EPHB1: variants seen among roughly 807,000 people sequenced by gnomAD.
The protein encoded by EPHB1 is EPH receptor B1.
Under a neutral mutation model 94.4 loss-of-function variants are expected in EPHB1, and 30 were observed. The ratio of observed to expected loss-of-function variants is 0.32; its 90% CI spans 0.24 to 0.43. EPHB1 has a LOEUF of 0.43. EPHB1 is among the 20% of genes least tolerant of loss of function. The pLI, the probability that EPHB1 is intolerant of heterozygous loss-of-function variation, is 1.00. For missense variants in EPHB1, 1,055 were observed against 1,308.3 expected (o/e 0.81, Z 2.99); for synonymous variants, 522 against 489.1 (o/e 1.07, Z -0.89).
chr3:135,188,355 C>T (rs903596794), intron 10 of EPHB1, among the ~76,000 whole-genome samples: 6 of 140,690 alleles, frequency 4.3e-5, no homozygotes, highest in Non-Finnish European at 3.1e-5. Flanking sequence ...ATTAGCCGGG[C>T]GTTGTGGTGG....
intron 3 of EPHB1, among the ~76,000 whole-genome samples, chr3:135,030,239 C>T (rs904956990): frequency 6.6e-6 from 1 of 152,192 alleles, no homozygotes; most frequent in African/African-American, 2.4e-5. Context: ...AAGTCATTCT[C>T]CGTCCAGCTT....
chr3:135,170,670 G>A (rs1321008419), intron 9 of EPHB1, among the ~76,000 whole-genome samples: 2 of 152,174 alleles, frequency 1.3e-5, no homozygotes, highest in Non-Finnish European at 2.9e-5. Flanking sequence ...AGGTGGGCAA[G>A]TATAAGTTTG....
intron 3 of EPHB1, among the ~76,000 whole-genome samples, chr3:134,999,939 T>C (rs1380847626): frequency 6.6e-6 from 1 of 152,222 alleles, no homozygotes; most frequent in Admixed American, 6.5e-5. Flanking sequence ...TGCTCCATAC[T>C]TCTGTCTCCA....
chr3:134,830,651 C>T (rs1365823955), intron 1 of EPHB1, among the ~76,000 whole-genome samples: 1 of 151,994 alleles, frequency 6.6e-6, no homozygotes, highest in Non-Finnish European at 1.5e-5. Flanking sequence ...TATTATTTTT[C>T]CCTCTCAAAA....
chr3:135,180,044 C>A, intron 10 of EPHB1, 62 bp downstream of exon 10: 3 of 1,595,898 alleles, frequency 1.9e-6, no homozygotes, highest in Admixed American at 3.4e-5. Context: ...TTTCCACCAC[C>A]CTAGATGGTC....
chr3:134,851,148 C>T (rs1467063363), intron 1 of EPHB1, among the ~76,000 whole-genome samples: 2 of 152,240 alleles, frequency 1.3e-5, no homozygotes, highest in Non-Finnish European at 2.9e-5. Context: ...CTGGAGTTCT[C>T]AGGGCCAGCA....
intron 1 of EPHB1, among the ~76,000 whole-genome samples, chr3:134,871,046 G>A (rs1006704131): frequency 6.6e-6 from 1 of 152,146 alleles, no homozygotes; most frequent in African/African-American, 2.4e-5. Context: ...CCTTTACCAT[G>A]GGTTACTACA....
In EPHB1 at chr3:135,201,530, T is replaced by C. The variant is rs756698481; in HGVS notation, c.2187T>C (p.Ala729=). ...TTGTGGGTATGCTCAGGGGCATCGC[T>C]GCTGGCATGAAGTACCTGGCTGAGA... ...IQLVGMLRGI[A]AGMKYLAEMN... The change falls in exon 12 of 16, where the codon GCT becomes GCC. Residue 729 remains alanine, a synonymous_variant. Coordinates refer to ENST00000398015, the MANE Select transcript of EPHB1 (RefSeq NM_004441.5). The C allele has an allele frequency of 5.6e-6, 9 of 1,614,048 alleles. 1 individual carries two copies. Among genetic ancestry groups the C allele is most frequent in the Middle Eastern group, 1.6e-4 (1 of 6,062 alleles).
chr3:135,082,997 C>G (rs1376429296), intron 3 of EPHB1, among the ~76,000 whole-genome samples: 3 of 152,154 alleles, frequency 2.0e-5, no homozygotes, highest in African/African-American at 7.2e-5. Context: ...GGGGCCTGAG[C>G]AATTCTGCAC....
At chr3:134,797,891 C>T (rs1181711336) in intron 1 of EPHB1, among the ~76,000 whole-genome samples, 1 of 152,202 alleles carries the variant, frequency 6.6e-6, no homozygotes, top group Non-Finnish European at 1.5e-5. Context: ...CTACTCAGTA[C>T]GCAGGGATAT....
At chr3:135,256,443 G>A (rs4389504) in intron 15 of EPHB1, among the ~76,000 whole-genome samples, 5,372 of 152,222 alleles carry the variant, frequency 0.035, 317 homozygotes, top group African/African-American at 0.12. Flanking sequence ...GCATTTGCTT[G>A]TCTGTAAAGT....
At chr3:135,123,589 C>A (rs1232198926) in intron 4 of EPHB1, among the ~76,000 whole-genome samples, 1 of 152,078 alleles carries the variant, frequency 6.6e-6, no homozygotes, top group Non-Finnish European at 1.5e-5. Flanking sequence ...AAGCACCATG[C>A]CCAGCACCAG....
intron 3 of EPHB1, among the ~76,000 whole-genome samples, chr3:135,034,858 T>C (rs927588869): frequency 1.3e-5 from 2 of 152,160 alleles, no homozygotes; most frequent in Non-Finnish European, 2.9e-5. Flanking sequence ...GTGTAGACCC[T>C]ACAGGATAGC....
chr3:134,962,108 G>A (rs1187379436), intron 3 of EPHB1, among the ~76,000 whole-genome samples: 1 of 152,144 alleles, frequency 6.6e-6, no homozygotes, highest in East Asian at 1.9e-4. Context: ...AGCAGTGTTT[G>A]AGAGTTCCTG....
intron 11 of EPHB1, among the ~76,000 whole-genome samples, chr3:135,194,518 G>A (rs80265948): frequency 0.013 from 2,013 of 152,272 alleles, 41 homozygotes; most frequent in African/African-American, 0.046. Context: ...TATGAAGGCC[G>A]AAGTAAATGT....
chr3:135,083,056 T>A (rs1938217704), intron 3 of EPHB1, among the ~76,000 whole-genome samples: 1 of 152,148 alleles, frequency 6.6e-6, no homozygotes, highest in African/African-American at 2.4e-5. Flanking sequence ...CAGAAAGCCA[T>A]GTCCAGCTGT....
Position 135,007,644 on chromosome 3 carries a change from C to T in EPHB1, c.805+55592C>T, listed in dbSNP as rs113271577. On this transcript the variant is annotated intron_variant, in intron 3 of 15. Coordinates refer to ENST00000398015, the MANE Select transcript of EPHB1 (RefSeq NM_004441.5). Reference sequence around the variant, plus strand: ...CACCTGCACACCTCCATCTCCTTCACATATTGTGCTGCAAAGCCAAGGCTC... The same window carrying T: ...CACCTGCACACCTCCATCTCCTTCATATATTGTGCTGCAAAGCCAAGGCTC... 6.9e-3 allele frequency among the ~76,000 whole-genome samples: 1,055 copies of T among 152,302 alleles called. 13 individuals are homozygous for T. Among genetic ancestry groups the T allele is most frequent in the African/African-American group, 0.024 (981 of 41,560 alleles).
At chr3:135,186,584 G>A (rs1293797305) in intron 10 of EPHB1, among the ~76,000 whole-genome samples, 1 of 152,190 alleles carries the variant, frequency 6.6e-6, no homozygotes, top group East Asian at 1.9e-4. Context: ...ACTTCAAAAT[G>A]CTGCTTTTTT....
intron 3 of EPHB1, among the ~76,000 whole-genome samples, chr3:135,012,203 C>T (rs1935643775): frequency 6.6e-6 from 1 of 152,190 alleles, no homozygotes; most frequent in South Asian, 2.1e-4. Flanking sequence ...GTCACTGCTC[C>T]AGGACAGAGT....
Sources: gnomAD v4.1 joint callset for allele counts (sites outside exome capture counted in the v4.1 genomes callset) on GRCh38, gnomAD v4.1.1 for gene constraint, MANE v1.5 for transcripts, NCBI Gene and HGNC (gene_info 2026-07-23, HGNC 2026-07-21) for gene names.